LHFPL3: variants seen among roughly 807,000 people sequenced by gnomAD.
LHFPL3 encodes LHFPL tetraspan subfamily member 3 protein.
LHFPL3 carries 5 observed loss-of-function variants against 19.3 expected under a neutral mutation model. That is an observed-to-expected ratio of 0.26 (90% CI 0.14 to 0.54). The LOEUF is 0.54. Among genes scored for constraint, LHFPL3 ranks in the 20% least tolerant of loss-of-function variants. The pLI, the probability that LHFPL3 is intolerant of heterozygous loss-of-function variation, is 0.94. For missense variants in LHFPL3, 249 were observed against 307.4 expected, an observed-to-expected ratio of 0.81 and a Z score of 1.42; for synonymous variants, 133 against 126.2, an observed-to-expected ratio of 1.05 and a Z score of -0.36.
At chr7:104,539,705 T>C (rs1794450392) in intron 1 of LHFPL3, among the ~76,000 whole-genome samples, 1 of 152,108 alleles carries the variant, frequency 6.6e-6, no homozygotes, top group Non-Finnish European at 1.5e-5. Context: ...AACAGAACAA[T>C]GTAGTGAGTC....
At chr7:104,682,712 T>G (rs1792729435) in intron 1 of LHFPL3, among the ~76,000 whole-genome samples, 1 of 152,194 alleles carries the variant, frequency 6.6e-6, no homozygotes, top group African/African-American at 2.4e-5. Flanking sequence ...TTTGCAAGTT[T>G]ATTTTTATCC....
intron 1 of LHFPL3, among the ~76,000 whole-genome samples, chr7:104,557,913 A>G (rs1334162829): frequency 1.0e-4 from 15 of 149,832 alleles, no homozygotes; most frequent in South Asian, 8.5e-4. Context: ...CCACCTATGA[A>G]TGAGAATATG....
At chr7:104,699,690 TA>T (rs1793064778) in intron 1 of LHFPL3, among the ~76,000 whole-genome samples, 2 of 152,200 alleles carry the variant, frequency 1.3e-5, no homozygotes, top group African/African-American at 4.8e-5. Context: ...ATTAAAATGG[TA>T]CATTTTATGT....
intron 1 of LHFPL3, among the ~76,000 whole-genome samples, chr7:104,330,353 T>G (rs1203589744): frequency 6.6e-6 from 1 of 152,196 alleles, no homozygotes; most frequent in Non-Finnish European, 1.5e-5. Flanking sequence ...TTCATTTGCG[T>G]TTTCTTTTAC....
chr7:104,898,571 G>A (rs1792414633), intron 2 of LHFPL3, among the ~76,000 whole-genome samples: 1 of 152,170 alleles, frequency 6.6e-6, no homozygotes, highest in African/African-American at 2.4e-5. Flanking sequence ...CCCTCACTCA[G>A]AAACTGGGAG....
At chr7:104,662,403 G>A (rs377273230) in intron 1 of LHFPL3, among the ~76,000 whole-genome samples, 17 of 152,280 alleles carry the variant, frequency 1.1e-4, no homozygotes, top group African/African-American at 4.1e-4. Flanking sequence ...AAGGACCCAA[G>A]TATGCAAGTG....
At chr7:104,534,496 T>G (rs1794359150) in intron 1 of LHFPL3, among the ~76,000 whole-genome samples, 1 of 152,244 alleles carries the variant, frequency 6.6e-6, no homozygotes, top group Non-Finnish European at 1.5e-5. Flanking sequence ...TGCTTGATGG[T>G]CATTGACATT....
intron 2 of LHFPL3, 65 bp downstream of exon 2, chr7:104,736,976 C>G: frequency 7.8e-7 from 1 of 1,280,684 alleles, no homozygotes; most frequent in Non-Finnish European, 1.1e-6. Context: ...GCTCTCCATT[C>G]TTTCCCCTCA....
At chr7:104,572,411 A>C (rs1207711952) in intron 1 of LHFPL3, among the ~76,000 whole-genome samples, 1 of 152,226 alleles carries the variant, frequency 6.6e-6, no homozygotes, top group African/African-American at 2.4e-5. Context: ...CAAAAGAATT[A>C]ATATTCTAGT....
intron 1 of LHFPL3, among the ~76,000 whole-genome samples, chr7:104,515,984 AG>A (rs1267683192): frequency 2.0e-5 from 3 of 152,136 alleles, no homozygotes; most frequent in Non-Finnish European, 4.4e-5. Context: ...TCTTTACAAC[AG>A]CACCCCACTC....
At position 104,422,133 on chromosome 7, in the gene LHFPL3, G is replaced by C. The variant is rs1791744554; in HGVS notation, c.445+92909G>C. Among the ~76,000 whole-genome samples, 3 of 152,320 alleles carry C rather than the reference G, an allele frequency of 2.0e-5. No individual in the cohort carries two copies. The South Asian group carries it at 6.2e-4, about 32-fold the overall frequency. ...CCCAGCACTTTGGGAGGCTGAGGTG[G>C]GTGGATCATTGGAGGTCAGGAGTTC... On this transcript the variant is annotated intron_variant, in intron 1 of 2. Transcript: ENST00000424859.
At chr7:104,585,397 C>T (rs187715270) in intron 1 of LHFPL3, among the ~76,000 whole-genome samples, 2 of 151,866 alleles carry the variant, frequency 1.3e-5, no homozygotes, top group African/African-American at 4.8e-5. Context: ...TCATCCCCCT[C>T]ATCACTTTTA....
chr7:104,733,276 C>G lies in LHFPL3; in HGVS notation c.446-3399C>G, dbSNP rs976678041. Among the ~76,000 whole-genome samples the G allele has an allele frequency of 2.6e-5, 4 of 152,112 alleles. No individual in the cohort carries two copies. In the East Asian group the frequency reaches 7.7e-4, roughly 29 times the overall value. Reference sequence around the variant, plus strand: ...AGAGCTGAATTCAATTCCTGGATATCCTTGTTAACTTTCTGTCTCGTTTCT... The same window carrying G: ...AGAGCTGAATTCAATTCCTGGATATGCTTGTTAACTTTCTGTCTCGTTTCT... On this transcript the variant is annotated intron_variant, in intron 1 of 2. Transcript: ENST00000424859.
chr7:104,662,019 C>G (rs553540232), intron 1 of LHFPL3, among the ~76,000 whole-genome samples: 1 of 152,336 alleles, frequency 6.6e-6, no homozygotes, highest in African/African-American at 2.4e-5. Context: ...CATGGATCAG[C>G]TGGACAAAGG....
intron 2 of LHFPL3, among the ~76,000 whole-genome samples, chr7:104,848,037 G>A (rs1470108517): frequency 2.0e-5 from 3 of 152,182 alleles, no homozygotes; most frequent in Admixed American, 6.5e-5. Flanking sequence ...CATTTCTTGT[G>A]TACTTCTTAT....
At chr7:104,495,612 T>C (rs1793458075) in intron 1 of LHFPL3, among the ~76,000 whole-genome samples, 1 of 152,202 alleles carries the variant, frequency 6.6e-6, no homozygotes. Flanking sequence ...CTCCATCTCC[T>C]GACCTCATGA....
intron 2 of LHFPL3, among the ~76,000 whole-genome samples, chr7:104,765,743 A>T (rs7780798): frequency 0.35 from 52,632 of 152,080 alleles, 9,512 homozygotes; most frequent in East Asian, 0.67. Context: ...GCAGAGCCCC[A>T]TGATAGAGGC....
intron 1 of LHFPL3, among the ~76,000 whole-genome samples, chr7:104,422,151 A>G (rs778686499): frequency 3.2e-4 from 49 of 152,216 alleles, no homozygotes; most frequent in Non-Finnish European, 3.2e-4. Context: ...ATTGGAGGTC[A>G]GGAGTTCAAG....
At chr7:104,332,470 A>G (rs560259889) in intron 1 of LHFPL3, among the ~76,000 whole-genome samples, 1 of 152,032 alleles carries the variant, frequency 6.6e-6, no homozygotes, top group African/African-American at 2.4e-5. Flanking sequence ...ACCTCAAGCA[A>G]TCCGACTGCC....
Sources: allele counts gnomAD v4.1 joint callset (sites outside exome capture counted in the v4.1 genomes callset), GRCh38; gene constraint gnomAD v4.1.1; transcripts MANE v1.5; gene names NCBI Gene and HGNC (gene_info 2026-07-23, HGNC 2026-07-21).